The following INPP5A variants were observed in gnomAD, a reference collection of about 807,000 sequenced individuals.
The protein encoded by INPP5A is 43 kDa inositol polyphosphate 5-phophatase.
A neutral mutation model predicts 65.2 loss-of-function variants in INPP5A; 14 were observed. That is an observed-to-expected ratio of 0.21 (90% CI 0.14 to 0.34). The LOEUF (loss-of-function observed/expected upper bound fraction) is 0.34, where lower values mean the gene tolerates loss of function less well. Among genes scored for constraint, INPP5A ranks in the 10% least tolerant of loss-of-function variants. The pLI is 1.00. For synonymous variants in INPP5A, 207 were observed against 208.3 expected (o/e 0.99, Z 0.05); for missense variants, 431 against 545.6 (o/e 0.79, Z 2.09).
At chr10:132,594,109 AG>A (rs946941725) in intron 1 of INPP5A, among the ~76,000 whole-genome samples, 1 of 152,300 alleles carries the variant, frequency 6.6e-6, no homozygotes, top group African/African-American at 2.4e-5. Context: ...GCTGGTTTGA[AG>A]GTTTCCCTTT....
At chr10:132,630,028 A>G (rs1371257052) in intron 2 of INPP5A, among the ~76,000 whole-genome samples, 1 of 152,146 alleles carries the variant, frequency 6.6e-6, no homozygotes, top group East Asian at 1.9e-4. Flanking sequence ...GGTGGCATCC[A>G]TGAGGGAAAG....
intron 1 of INPP5A, among the ~76,000 whole-genome samples, chr10:132,577,744 G>T (rs984474375): frequency 8.5e-5 from 13 of 152,354 alleles, no homozygotes; most frequent in African/African-American, 3.1e-4. Flanking sequence ...GGGAGGCATT[G>T]GGTGTTGTGG....
chr10:132,682,267 G>A (rs2073058355), intron 4 of INPP5A, among the ~76,000 whole-genome samples: 1 of 150,054 alleles, frequency 6.7e-6, no homozygotes, highest in African/African-American at 2.4e-5. Context: ...TTGCTGGTCG[G>A]GAACAGTCTC....
chr10:132,687,600 TA>T (rs768551602), intron 4 of INPP5A, among the ~76,000 whole-genome samples: 1 of 152,180 alleles, frequency 6.6e-6, no homozygotes, highest in Non-Finnish European at 1.5e-5. Flanking sequence ...CTCCGTCCCC[TA>T]GACAGAAGGT....
chr10:132,610,427 C>T (rs1399190632), intron 2 of INPP5A, among the ~76,000 whole-genome samples: 1 of 152,260 alleles, frequency 6.6e-6, no homozygotes, highest in Non-Finnish European at 1.5e-5. Context: ...TCCGGGCCTG[C>T]ACACCTGGTG....
chr10:132,736,996 C>T (rs1846188145), intron 9 of INPP5A, among the ~76,000 whole-genome samples: 1 of 152,234 alleles, frequency 6.6e-6, no homozygotes, highest in Non-Finnish European at 1.5e-5. Flanking sequence ...GTCCCTGTGT[C>T]CACTGGCAGC....
At chr10:132,646,841 CTG>C (rs1409995197) in intron 3 of INPP5A, among the ~76,000 whole-genome samples, 4 of 152,200 alleles carry the variant, frequency 2.6e-5, no homozygotes, top group African/African-American at 9.7e-5. Flanking sequence ...CTGCCACGCT[CTG>C]TGGGTTGACG....
At chr10:132,614,608 C>A (rs2072004633) in intron 2 of INPP5A, among the ~76,000 whole-genome samples, 1 of 152,242 alleles carries the variant, frequency 6.6e-6, no homozygotes, top group Admixed American at 6.5e-5. Context: ...GTTCCAGAAT[C>A]TTCTCTATGT....
intron 11 of INPP5A, among the ~76,000 whole-genome samples, chr10:132,764,470 C>T (rs550096255): frequency 1.1e-3 from 160 of 140,944 alleles, no homozygotes; most frequent in Non-Finnish European, 2.1e-3. Flanking sequence ...CTCAGAAACA[C>T]GGTCGGGTCA....
At chr10:132,691,727 C>T (rs1166468164) in intron 5 of INPP5A, among the ~76,000 whole-genome samples, 1 of 152,230 alleles carries the variant, frequency 6.6e-6, no homozygotes, top group Non-Finnish European at 1.5e-5. Context: ...GGGCAGCGAG[C>T]ATGTCCTGAG....
intron 4 of INPP5A, among the ~76,000 whole-genome samples, chr10:132,688,825 AGT>A (rs3078519): frequency 6.6e-6 from 1 of 152,000 alleles, no homozygotes; most frequent in African/African-American, 2.4e-5. Flanking sequence ...TGCATGACTG[AGT>A]GCAAGTGTAA....
chr10:132,719,418 A>G (rs1256587418), intron 8 of INPP5A, among the ~76,000 whole-genome samples: 1 of 139,194 alleles, frequency 7.2e-6, no homozygotes, highest in Non-Finnish European at 1.6e-5. Flanking sequence ...GGCACCTTAG[A>G]CGGCTGTCTT....
In INPP5A at chr10:132,698,809, C is replaced by T. The variant is rs1845387830; in HGVS notation, c.474+890C>T. 6.6e-6 allele frequency among the ~76,000 whole-genome samples: 1 copy of T among 152,244 alleles called. No homozygotes were observed. The highest frequency in any genetic ancestry group is 2.4e-5 in the African/African-American group (1 of 41,468). On this transcript the variant is annotated intron_variant, in intron 6 of 15. Transcript: ENST00000368594. The surrounding 1 kb of genome is among the most constrained non-coding windows in gnomAD (Gnocchi z 5.5). Reference sequence around the variant, plus strand: ...GCCCCAAGAAGGATTGCTCTGCGGTCCTGTCTCCACGAGAGCTGTGCAGGC... The same window carrying T: ...GCCCCAAGAAGGATTGCTCTGCGGTTCTGTCTCCACGAGAGCTGTGCAGGC...
intron 12 of INPP5A, among the ~76,000 whole-genome samples, chr10:132,775,892 AG>A (rs1279467572): frequency 6.6e-6 from 1 of 152,122 alleles, no homozygotes; most frequent in Non-Finnish European, 1.5e-5. Context: ...GGGGTGCATG[AG>A]GAGGGAGAAC....
Position 132,771,858 on chromosome 10 carries a change from A to AG in INPP5A, c.978-5812dup, listed in dbSNP as rs1565011698. On this transcript the variant is annotated intron_variant, in intron 12 of 15. Transcript: ENST00000368594. ...CACTCAGCACTGACACGGAGGCCAC[A>AG]GCAGCCACCCCGCGAAGAGTGGGAC... is the stretch of plus-strand genomic sequence containing the variant. Among the ~76,000 whole-genome samples, 37 of 59,178 alleles carry AG rather than the reference A, an allele frequency of 6.3e-4. 3 individuals carry two copies. Among genetic ancestry groups the AG allele is most frequent in the African/African-American group, 2.3e-3 (28 of 12,142 alleles). 38.8% of individuals were successfully genotyped at this position (59,178 alleles called of 152,430 possible).
intron 9 of INPP5A, among the ~76,000 whole-genome samples, chr10:132,732,100 C>G (rs755590922): frequency 6.6e-6 from 1 of 152,262 alleles, no homozygotes; most frequent in Non-Finnish European, 1.5e-5. Context: ...CCACCCTGGT[C>G]TCTGGGCTCT....
chr10:132,653,107 C>T (rs1432122262), intron 4 of INPP5A, among the ~76,000 whole-genome samples: 1 of 152,204 alleles, frequency 6.6e-6, no homozygotes. Flanking sequence ...TGGGCCCTGG[C>T]CAGAGCAGGC....
chr10:132,688,985 AAGTGTGTGTG>A (rs1250954937), intron 4 of INPP5A, among the ~76,000 whole-genome samples: 1 of 152,020 alleles, frequency 6.6e-6, no homozygotes, highest in Non-Finnish European at 1.5e-5. Context: ...GTATGTGTGC[AAGTGTGTGTG>A]AGTGCCTGTG....
rs1847175572 is a variant in INPP5A at position 132,782,181 on chromosome 10, G to T, written c.*152G>T. 1.6e-6 allele frequency: 2 copies of T among 1,254,970 alleles called. No individual in the cohort carries two copies. The highest frequency in any genetic ancestry group is 2.2e-6 in the Non-Finnish European group (2 of 893,900). The allele number at this position is 1,254,970 out of a possible 1,614,324, so 77.7% of individuals were successfully genotyped here. ...GCCCCACACTTCGCTTCAGCCTCCG[G>T]ACCATTCCGGAGCAGCCTCACATAC... On this transcript the variant is annotated 3_prime_UTR_variant, in exon 16 of 16. Coordinates refer to ENST00000368594, the MANE Select transcript of INPP5A (RefSeq NM_005539.5). The surrounding 1 kb of genome is among the most constrained non-coding windows in gnomAD (Gnocchi z 4.4).
Sources: gnomAD v4.1 joint callset for allele counts (sites outside exome capture counted in the v4.1 genomes callset) on GRCh38, gnomAD v4.1.1 for gene constraint, Gnocchi (gnomAD v3.1) non-coding constraint, MANE v1.5 for transcripts, NCBI Gene and HGNC (gene_info 2026-07-23, HGNC 2026-07-21) for gene names.